SRD5A2: variants seen among roughly 807,000 people sequenced by gnomAD.
SRD5A2 encodes the protein steroid 5 alpha-reductase 2, also known as 3-oxo-5-alpha-steroid 4-dehydrogenase 2.
SRD5A2 carries 30 observed loss-of-function variants against 27.4 expected under a neutral mutation model. The observed-to-expected ratio is 1.10, with a 90% confidence interval of 0.82 to 1.49. SRD5A2 has a LOEUF of 1.49. Ranked by LOEUF, SRD5A2 falls within the 40% of genes most tolerant of loss-of-function variation. The pLI is 0.00. For synonymous variants in SRD5A2, 141 were observed against 133.6 expected, an observed-to-expected ratio of 1.06 and a Z score of -0.38; for missense variants, 348 against 323.4, an observed-to-expected ratio of 1.08 and a Z score of -0.58.
intron 1 of SRD5A2, among the ~76,000 whole-genome samples, chr2:31,539,349 G>GA (rs1286384207): frequency 6.6e-6 from 1 of 152,118 alleles, no homozygotes; most frequent in East Asian, 1.9e-4. Context: ...CAAGGAATGA[G>GA]AAAAAGGGAA....
intron 1 of SRD5A2, among the ~76,000 whole-genome samples, chr2:31,539,687 T>C (rs891424519): frequency 1.3e-5 from 2 of 151,924 alleles, no homozygotes; most frequent in Non-Finnish European, 2.9e-5. Flanking sequence ...TAGTGGAGAG[T>C]TGGAATATTC....
chr2:31,620,981 T>G, the SRD5A2 span, among the ~76,000 whole-genome samples: 3 of 147,474 alleles, frequency 2.0e-5, no homozygotes, highest in African/African-American at 7.4e-5. Flanking sequence ...AAATTAAATA[T>G]ATAATATAAA....
upstream of SRD5A2, among the ~76,000 whole-genome samples, chr2:31,583,669 A>T: frequency 6.8e-6 from 1 of 146,032 alleles, no homozygotes; most frequent in East Asian, 1.9e-4. Context: ...AAAGCAAAAA[A>T]AAAAAACACC....
chr2:31,588,312 G>A, the SRD5A2 span, among the ~76,000 whole-genome samples: 3 of 160 alleles, frequency 0.019, no homozygotes, highest in African/African-American at 0.067. Context: ...ACTACCTCAA[G>A]GCATTTAAAT....
the SRD5A2 span, among the ~76,000 whole-genome samples, chr2:31,615,968 C>T: frequency 2.0e-5 from 3 of 152,148 alleles, no homozygotes; most frequent in Non-Finnish European, 4.4e-5. Flanking sequence ...AGTACCAAGC[C>T]TTGGCAGCTT....
the SRD5A2 span, among the ~76,000 whole-genome samples, chr2:31,607,183 T>C: frequency 6.6e-6 from 1 of 151,988 alleles, no homozygotes; most frequent in Non-Finnish European, 1.5e-5. Flanking sequence ...CAAATGTATA[T>C]GTAGCTGTAA....
chr2:31,550,017 T>C (rs1218931065), intron 1 of SRD5A2, among the ~76,000 whole-genome samples: 5 of 152,050 alleles, frequency 3.3e-5, no homozygotes, highest in Non-Finnish European at 7.4e-5. Context: ...TAGACAAATT[T>C]TTAAAAAGTA....
At chr2:31,574,479 T>C (rs1229796248) in intron 1 of SRD5A2, among the ~76,000 whole-genome samples, 1 of 152,240 alleles carries the variant, frequency 6.6e-6, no homozygotes, top group Non-Finnish European at 1.5e-5. Flanking sequence ...GACAAAAAGT[T>C]GGTCCTTTCT....
chr2:31,570,587 T>C (rs1217615210), intron 1 of SRD5A2, among the ~76,000 whole-genome samples: 1 of 152,218 alleles, frequency 6.6e-6, no homozygotes, highest in African/African-American at 2.4e-5. Context: ...GGTTAAACTA[T>C]TCCTGTTTGC....
At chr2:31,552,156 C>T (rs1666393456) in intron 1 of SRD5A2, among the ~76,000 whole-genome samples, 1 of 150,658 alleles carries the variant, frequency 6.6e-6, no homozygotes, top group African/African-American at 2.4e-5. Flanking sequence ...ATCAAGCTAA[C>T]AATAATATAC....
chr2:31,645,046 A>G, the SRD5A2 span, among the ~76,000 whole-genome samples: 3 of 152,180 alleles, frequency 2.0e-5, no homozygotes, highest in Admixed American at 6.5e-5. Flanking sequence ...CGCAATTTTG[A>G]GAAACAGATA....
In SRD5A2 at chr2:31,548,683, C is replaced by T. The variant is rs190746965; in HGVS notation, c.282-14917G>A. Among the ~76,000 whole-genome samples, 1,384 of 152,230 alleles carry T rather than the reference C, an allele frequency of 9.1e-3. 21 individuals carry two copies. Among genetic ancestry groups the T allele is most frequent in the South Asian group, 0.028 (136 of 4,824 alleles). On this transcript the variant is annotated intron_variant, in intron 1 of 4. Transcript: ENST00000622030. The stretch of plus-strand genomic sequence containing the variant: ...ACTGAGGAAAACAATATGGTGGTTA[C>T]TCAAAAATTAAAAATAGAATTACTA...
At chr2:31,587,136 G>GA in the SRD5A2 span, among the ~76,000 whole-genome samples, 457 of 152,134 alleles carry the variant, frequency 3.0e-3, 5 homozygotes, top group African/African-American at 0.01. Context: ...ACAAACATAT[G>GA]AAAAAAAGCT....
At chr2:31,610,897 C>T in the SRD5A2 span, among the ~76,000 whole-genome samples, 1 of 152,084 alleles carries the variant, frequency 6.6e-6, no homozygotes, top group Non-Finnish European at 1.5e-5. Context: ...CACCTGAGGT[C>T]AGGAGTTTGA....
the SRD5A2 span, among the ~76,000 whole-genome samples, chr2:31,649,790 A>G: frequency 1.3e-5 from 2 of 152,140 alleles, no homozygotes; most frequent in Admixed American, 1.3e-4. Flanking sequence ...TAGGATATTC[A>G]CATAATATAT....
chr2:31,541,630 A>G (rs1040685450), intron 1 of SRD5A2, among the ~76,000 whole-genome samples: 1 of 42,756 alleles, frequency 2.3e-5, no homozygotes, highest in Non-Finnish European at 4.4e-5. Context: ...TCAGATAAGC[A>G]ATCACAGTAC....
chr2:31,585,056 GA>G (rs1667152469), upstream of SRD5A2, among the ~76,000 whole-genome samples: 1 of 152,184 alleles, frequency 6.6e-6, no homozygotes, highest in South Asian at 2.1e-4. Context: ...CAGCAAAAAG[GA>G]AAGCCAGACA....
the SRD5A2 span, among the ~76,000 whole-genome samples, chr2:31,597,377 T>C: frequency 1.3e-5 from 2 of 150,510 alleles, no homozygotes; most frequent in Non-Finnish European, 3.0e-5. Context: ...TTCTAGAAGA[T>C]AAAATAAAAA....
intron 1 of SRD5A2, among the ~76,000 whole-genome samples, chr2:31,557,977 G>A (rs1281631988): frequency 2.0e-5 from 3 of 152,296 alleles, no homozygotes; most frequent in Admixed American, 2.0e-4. Context: ...GCACTATGAA[G>A]CACTTTAGAA....
Sources: gnomAD v4.1 joint callset for allele counts (sites outside exome capture counted in the v4.1 genomes callset) on GRCh38, gnomAD v4.1.1 for gene constraint, MANE v1.5 for transcripts, NCBI Gene and HGNC (gene_info 2026-07-23, HGNC 2026-07-21) for gene names.